HSPG2: variants seen among roughly 807,000 people sequenced by gnomAD.
HSPG2 encodes the protein basement membrane-specific heparan sulfate proteoglycan core protein.
In HSPG2, 278 loss-of-function variants were observed where a neutral mutation model predicts 526.6. That is an observed-to-expected ratio of 0.53 (90% CI 0.48 to 0.58). HSPG2 has a LOEUF of 0.58. Ranked by LOEUF, HSPG2 falls within the 20% of genes least tolerant of loss-of-function variation. HSPG2 has a pLI of 0.00. For missense variants in HSPG2, 5,354 were observed against 6,099.5 expected (o/e 0.88, Z 4.07); for synonymous variants, 2,465 against 2,555.4 (o/e 0.96, Z 1.07).
At chr1:21,823,993 T>TC in intron 95 of HSPG2, 128 bp downstream of exon 95, 2 of 987,430 alleles carry the variant, frequency 2.0e-6, no homozygotes, top group Non-Finnish European at 3.1e-6. Flanking sequence ...TGGTGGGTTC[T>TC]CCCCTCCCCT....
chr1:21,892,336 C>T (rs1490371333), intron 3 of HSPG2, among the ~76,000 whole-genome samples: 1 of 152,264 alleles, frequency 6.6e-6, no homozygotes, highest in Admixed American at 6.5e-5. Flanking sequence ...CTCAGCCCCA[C>T]GGCCCAGCGC....
chr1:21,883,659 T>A (rs1229134017), intron 13 of HSPG2, among the ~76,000 whole-genome samples: 1 of 152,180 alleles, frequency 6.6e-6, no homozygotes, highest in Non-Finnish European at 1.5e-5. Context: ...ATTTTTAGGT[T>A]CCTCAACCAA....
In HSPG2 at chr1:21,848,859, C is replaced by A. The variant is rs1638664518; in HGVS notation, c.7585+34G>T. The A allele has an allele frequency of 1.2e-6, 2 of 1,611,126 alleles. No individual in the cohort carries two copies. Among genetic ancestry groups the A allele is most frequent in the Non-Finnish European group, 1.7e-6 (2 of 1,179,148 alleles). ...GAGGGTGCAGTCGGGGTCCCCCAGC[C>A]CTCCACCATTTGCATGACCCCCGAG... is the stretch of plus-strand genomic sequence containing the variant. On this transcript the variant is annotated intron_variant, in intron 58 of 96. Transcript: ENST00000374695. The surrounding 1 kb of genome is among the most constrained non-coding windows in gnomAD (Gnocchi z 4.9).
intron 86 of HSPG2, 116 bp downstream of exon 86, chr1:21,829,877 C>A: frequency 1.0e-6 from 1 of 971,130 alleles, no homozygotes; most frequent in Non-Finnish European, 1.6e-6. Flanking sequence ...CTTCGAGATC[C>A]TCTGGCTTGG....
chr1:21,849,826 C>T (rs560107416), intron 57 of HSPG2, among the ~76,000 whole-genome samples: 114 of 152,082 alleles, frequency 7.5e-4, no homozygotes, highest in Non-Finnish European at 1.4e-3. Flanking sequence ...ATTACAGGCG[C>T]GCACCACCAC....
At chr1:21,829,342 G>A (rs779853015) in intron 87 of HSPG2, 41 bp downstream of exon 87, 1 of 1,586,192 alleles carries the variant, frequency 6.3e-7, no homozygotes, top group Admixed American at 1.7e-5. Context: ...GGGGCACAAG[G>A]CTTGGTGTGC....
In HSPG2 at chr1:21,878,231, G is replaced by T; in HGVS notation, c.2640C>A (p.Asp880Glu). ...RPVNQEIVRCDERGSMGTSGE... is the reference protein window; with the variant it reads ...RPVNQEIVRCEERGSMGTSGE... ...CGGAGGTCCCCATGCTGCCACGCTC[G>T]TCACAGCGCACAATCTCCTGGTCTG... Residue 880 changes from aspartate to glutamate, a missense_variant, in exon 21 of 97, where the codon GAC (aspartate) becomes GAA (glutamate). Asp to Glu is a conservative substitution (Grantham distance 45). Transcript: ENST00000374695. 1 of 1,613,940 alleles carries T rather than the reference G, an allele frequency of 6.2e-7. No individual in the cohort carries two copies. The highest frequency in any genetic ancestry group is 8.5e-7 in the Non-Finnish European group (1 of 1,180,008).
At chr1:21,850,779 T>C (rs972489467) in intron 55 of HSPG2, among the ~76,000 whole-genome samples, 3 of 152,124 alleles carry the variant, frequency 2.0e-5, no homozygotes, top group Non-Finnish European at 2.9e-5. Flanking sequence ...ACCTTACAAA[T>C]AGAAGCTTTT....
intron 54 of HSPG2, 25 bp downstream of exon 54, chr1:21,851,766 A>G: frequency 6.2e-7 from 1 of 1,614,000 alleles, no homozygotes; most frequent in African/African-American, 1.3e-5. Flanking sequence ...TCTGCATCCC[A>G]GCCCAGCCTG....
In HSPG2 at chr1:21,864,760, T is replaced by C. The variant is rs1441287613; in HGVS notation, c.4626+83A>G. 1 of 1,153,678 alleles carries C rather than the reference T, an allele frequency of 8.7e-7. No individual in the cohort carries two copies. Among genetic ancestry groups the C allele is most frequent in the South Asian group, 1.3e-5 (1 of 76,464 alleles). The allele number at this position is 1,153,678 out of a possible 1,614,324, so 71.5% of individuals were successfully genotyped here. A position where few individuals can be genotyped will look rare whatever the true frequency, so the allele number is the denominator to read the frequency against. On this transcript the variant is annotated intron_variant, in intron 36 of 96. Coordinates refer to ENST00000374695, the MANE Select transcript of HSPG2 (RefSeq NM_005529.7). This position sits in a 1 kb window ranked among gnomAD's most constrained non-coding sequence, Gnocchi z 4.8. ...GGGGTCATTATAGTTATGATGGTAA[T>C]CAAGGCTGCGGCGACGCCGGCTGAT...
At chr1:21,889,648 T>C (rs1441399271) in intron 6 of HSPG2, among the ~76,000 whole-genome samples, 2 of 150,936 alleles carry the variant, frequency 1.3e-5, no homozygotes, top group Non-Finnish European at 2.9e-5. Flanking sequence ...ATAAAGGCAG[T>C]CAGTGCTCAG....
rs747273402 is a variant in HSPG2 at position 21,831,205 on chromosome 1, G to A, written c.11562+10C>T. 4 of 1,611,296 alleles carry A rather than the reference G, an allele frequency of 2.5e-6. No homozygotes were observed. The highest frequency in any genetic ancestry group is 3.4e-6 in the Non-Finnish European group (4 of 1,177,532). ...ACGGCAGCCAGGTGGTGTGTGGGGT[G>A]TGGGGTCACCTGGCAGGGCCGGTCC... On this transcript the variant is annotated intron_variant, in intron 84 of 96. Coordinates refer to ENST00000374695, the MANE Select transcript of HSPG2 (RefSeq NM_005529.7).
At chr1:21,878,312 C>G in intron 20 of HSPG2, 59 bp from the exon 21 acceptor site, 1 of 1,592,298 alleles carries the variant, frequency 6.3e-7, no homozygotes, top group Non-Finnish European at 8.6e-7. Flanking sequence ...GTGGTCCGGG[C>G]AGATAGAGGA....
chr1:21,922,851 C>A (rs34600791), intron 1 of HSPG2, among the ~76,000 whole-genome samples: 5 of 152,148 alleles, frequency 3.3e-5, no homozygotes, highest in East Asian at 1.9e-4. Context: ...CCCAGTACCC[C>A]CTCCTCGACC....
chr1:21,839,759 C>A lies in HSPG2; in HGVS notation c.9709+63G>T. 2 of 1,561,232 alleles carry A rather than the reference C, an allele frequency of 1.3e-6. No homozygotes were observed. The highest frequency in any genetic ancestry group is 1.8e-6 in the Non-Finnish European group (2 of 1,140,212). ...GACATCATCTCTAGATCACATGTGT[C>A]TACATTTCAGACCCCAGGGCATCCC... On this transcript the variant is annotated intron_variant, in intron 72 of 96. Coordinates refer to ENST00000374695, the MANE Select transcript of HSPG2 (RefSeq NM_005529.7). This position sits in a 1 kb window ranked among gnomAD's most constrained non-coding sequence, Gnocchi z 4.5.
chr1:21,914,880 C>A (rs948115151), intron 1 of HSPG2, among the ~76,000 whole-genome samples: 1 of 152,190 alleles, frequency 6.6e-6, no homozygotes, highest in Non-Finnish European at 1.5e-5. Flanking sequence ...CAACCACCTG[C>A]CTGACCCCCA....
intron 49 of HSPG2, 92 bp from the exon 50 acceptor site, chr1:21,854,435 T>C: frequency 6.6e-7 from 1 of 1,508,974 alleles, no homozygotes; most frequent in Non-Finnish European, 9.0e-7. Flanking sequence ...AAACTCTCAC[T>C]GGCTCTGCTC....
In HSPG2 at chr1:21,822,723, G is replaced by A. The variant is rs575020789; in HGVS notation, c.*593C>T. On this transcript the variant is annotated 3_prime_UTR_variant, in exon 97 of 97. Coordinates refer to ENST00000374695, the MANE Select transcript of HSPG2 (RefSeq NM_005529.7). ...AATGCAGGCCAGGAGGACGTGGTAG[G>A]AGGGGGAGTCTGCCAGAGGAGGTGC... 1.3e-3 allele frequency: 216 copies of A among 165,528 alleles called. 3 individuals carry two copies. The highest frequency in any genetic ancestry group is 0.012 in the East Asian group (70 of 5,658). 10.3% of individuals were successfully genotyped at this position (165,528 alleles called of 1,614,324 possible).
At chr1:21,932,985 G>A (rs1004472244) in intron 1 of HSPG2, among the ~76,000 whole-genome samples, 1 of 152,180 alleles carries the variant, frequency 6.6e-6, no homozygotes, top group African/African-American at 2.4e-5. Flanking sequence ...TTGGGAGGCC[G>A]AAGGGGGTGG....
Sources: allele counts gnomAD v4.1 joint callset (sites outside exome capture counted in the v4.1 genomes callset), GRCh38; gene constraint gnomAD v4.1.1; non-coding constraint Gnocchi (gnomAD v3.1); transcripts MANE v1.5; gene names NCBI Gene and HGNC (gene_info 2026-07-23, HGNC 2026-07-21).